The following EIF4E3 variants were observed in gnomAD, a reference collection of about 807,000 sequenced individuals.
The protein encoded by EIF4E3 is eukaryotic translation initiation factor 4E family member 3.
In EIF4E3, 26 loss-of-function variants were observed where a neutral mutation model predicts 31.7. The observed-to-expected ratio is 0.82, with a 90% CI of 0.60 to 1.14. The LOEUF (loss-of-function observed/expected upper bound fraction) is 1.14, where lower values mean the gene tolerates loss of function less well. Among genes scored for constraint, EIF4E3 ranks in the 50% most tolerant of loss-of-function variants. The probability of loss-of-function intolerance (pLI) is 0.00; values close to 1 mark genes in which losing one functional copy is unlikely to be tolerated. For synonymous variants in EIF4E3, 128 were observed against 107.7 expected, an observed-to-expected ratio of 1.19 and a Z score of -1.17; for missense variants, 304 against 270.9, an observed-to-expected ratio of 1.12 and a Z score of -0.86.
intron 1 of EIF4E3, among the ~76,000 whole-genome samples, chr3:71,712,639 C>A (rs4677041): frequency 1.9e-5 from 2 of 104,792 alleles, no homozygotes. Flanking sequence ...GGGGGGTGGG[C>A]GGGGGAGATT....
chr3:71,659,532 A>G, the EIF4E3 span, among the ~76,000 whole-genome samples: 3 of 152,230 alleles, frequency 2.0e-5, no homozygotes, highest in African/African-American at 7.2e-5. Context: ...TGAATGGGCC[A>G]TGAGTTGAGC....
At position 71,725,113 on chromosome 3, in the gene EIF4E3, G is replaced by A. The variant is rs2049611887; in HGVS notation, c.176+79C>T. On this transcript the variant is annotated intron_variant, in intron 1 of 6. Coordinates refer to ENST00000425534, the MANE Select transcript of EIF4E3 (RefSeq NM_001134651.2). The surrounding 1 kb of genome is among the most constrained non-coding windows in gnomAD (Gnocchi z 6.1). ...CCACAGCGGAGCGGGGCCGGGGCGA[G>A]GGGCCGCGCCGAGACAAAGCGGCGG... 3 of 978,056 alleles carry A rather than the reference G, an allele frequency of 3.1e-6. No individual in the cohort carries two copies. The highest frequency in any genetic ancestry group is 2.4e-6 in the Non-Finnish European group (2 of 817,930). The allele number at this position is 978,056 out of a possible 1,614,324, so 60.6% of individuals were successfully genotyped here.
chr3:71,713,406 C>G (rs1268859840), intron 1 of EIF4E3, among the ~76,000 whole-genome samples: 1 of 152,132 alleles, frequency 6.6e-6, no homozygotes, highest in African/African-American at 2.4e-5. Context: ...ATGTTTTCAT[C>G]AAGTCCACCA....
intron 1 of EIF4E3, among the ~76,000 whole-genome samples, chr3:71,716,460 C>T (rs2049467806): frequency 6.6e-6 from 1 of 152,188 alleles, no homozygotes; most frequent in African/African-American, 2.4e-5. Context: ...GTCTCGATCT[C>T]CTGACCTCGT....
chr3:71,750,236 C>G (rs944677854), intron 1 of EIF4E3, among the ~76,000 whole-genome samples: 2 of 152,200 alleles, frequency 1.3e-5, no homozygotes, highest in African/African-American at 4.8e-5. Flanking sequence ...CTTCAGAGCC[C>G]AGGACCCTCA....
intron 1 of EIF4E3, among the ~76,000 whole-genome samples, chr3:71,747,566 C>T (rs756500318): frequency 2.0e-5 from 3 of 152,118 alleles, no homozygotes; most frequent in East Asian, 3.8e-4. Context: ...ATTCTGTAGG[C>T]GGGCCTTTCA....
Position 71,678,673 on chromosome 3 carries a change from CA to C in EIF4E3, c.*6008del. The C allele has an allele frequency of 6.6e-6, 1 of 152,100 alleles. No individual in the cohort carries two copies. The highest frequency in any genetic ancestry group is 2.1e-4 in the South Asian group (1 of 4,820). The allele number at this position is 152,100 out of a possible 1,614,324, so 9.4% of individuals were successfully genotyped here. On this transcript the variant is annotated 3_prime_UTR_variant, in exon 7 of 7. Transcript: ENST00000425534. The stretch of plus-strand genomic sequence containing the variant: ...CAGATCAAAAGGAAGGGCATTACAC[CA>C]GCTTGTAGCCAGATGTGAAAGGGTC...
intron 1 of EIF4E3, among the ~76,000 whole-genome samples, chr3:71,739,907 G>A (rs2049802822): frequency 6.6e-6 from 1 of 151,986 alleles, no homozygotes; most frequent in African/African-American, 2.4e-5. Context: ...TTTATAACAT[G>A]AATAAAAGAA....
the EIF4E3 span, among the ~76,000 whole-genome samples, chr3:71,660,357 A>G: frequency 6.6e-5 from 10 of 152,174 alleles, no homozygotes; most frequent in African/African-American, 2.4e-4. Flanking sequence ...AAAGAAAGCC[A>G]AGAAAAGAAA....
At chr3:71,696,568 C>T (rs2049140244) in intron 3 of EIF4E3, 48 bp from the exon 4 acceptor site, 1 of 1,595,804 alleles carries the variant, frequency 6.3e-7, no homozygotes, top group Admixed American at 1.7e-5. Flanking sequence ...CTAAGTGATT[C>T]TACATACAGT....
At position 71,750,536 on chromosome 3, in the gene EIF4E3, T is replaced by C. The variant is rs115008576; in HGVS notation, c.-291+2927A>G. The stretch of plus-strand genomic sequence containing the variant: ...GGGAGCATCAGTAGTTTGTGTATGT[T>C]AGTTTACTGCTTTTATAAACTCAAA... On this transcript the variant is annotated intron_variant, in intron 1 of 7. Transcript: ENST00000295612. 9.5e-3 allele frequency among the ~76,000 whole-genome samples: 1,450 copies of C among 152,348 alleles called. 14 individuals are homozygous for C. Among genetic ancestry groups the C allele is most frequent in the Non-Finnish European group, 0.015 (990 of 68,030 alleles).
upstream of EIF4E3, chr3:71,754,750 C>T: frequency 7.3e-7 from 1 of 1,371,360 alleles, no homozygotes; most frequent in South Asian, 1.6e-5. This position sits in a 1 kb window ranked among gnomAD's most constrained non-coding sequence, Gnocchi z 5.8. Context: ...GGCCCGGGCG[C>T]CACCGGCCAG....
intron 1 of EIF4E3, among the ~76,000 whole-genome samples, chr3:71,743,817 C>T (rs1490058751): frequency 2.0e-5 from 3 of 152,154 alleles, no homozygotes; most frequent in East Asian, 1.9e-4. Context: ...CATATATGGA[C>T]AATTTGTTTT....
upstream of EIF4E3, chr3:71,754,587 G>GC (rs2049982051): frequency 7.1e-7 from 1 of 1,416,136 alleles, no homozygotes; most frequent in Non-Finnish European, 9.2e-7. This position sits in a 1 kb window ranked among gnomAD's most constrained non-coding sequence, Gnocchi z 5.8. Context: ...GCCCGACGGC[G>GC]CCCCCGGCGC....
At chr3:71,667,174 G>A in the EIF4E3 span, among the ~76,000 whole-genome samples, 1 of 152,202 alleles carries the variant, frequency 6.6e-6, no homozygotes. Context: ...CTCAATAGAT[G>A]TAGAAAAGGA....
chr3:71,683,785 C>T lies in EIF4E3; in HGVS notation c.*897G>A, dbSNP rs975684383. 6.6e-6 allele frequency: 1 copy of T among 152,150 alleles called. No individual in the cohort carries two copies. The highest frequency in any genetic ancestry group is 1.5e-5 in the Non-Finnish European group (1 of 68,038). 9.4% of individuals were successfully genotyped at this position (152,150 alleles called of 1,614,324 possible). On this transcript the variant is annotated 3_prime_UTR_variant, in exon 7 of 7. Transcript: ENST00000425534. ...TTAGCGTTGACTGGGAAAGAAAGCC[C>T]TAAGTGGGTAAACACACCCGAACTT...
In EIF4E3 at chr3:71,685,173, C is replaced by A. The variant is rs754069163; in HGVS notation, c.629-445G>T. On this transcript the variant is annotated intron_variant, in intron 6 of 6. Transcript: ENST00000425534. ...ACTAAAAATAAAACAAAACAAAGAA[C>A]CACACCAGGGTGACAGCAATTATAT... Among the ~76,000 whole-genome samples the A allele has an allele frequency of 1.6e-4, 25 of 152,034 alleles. 1 individual carries two copies. Among genetic ancestry groups the A allele is most frequent in the Non-Finnish European group, 4.4e-5 (3 of 68,004 alleles).
intron 1 of EIF4E3, among the ~76,000 whole-genome samples, chr3:71,712,417 A>G (rs1223296972): frequency 6.6e-6 from 1 of 152,066 alleles, no homozygotes; most frequent in African/African-American, 2.4e-5. Flanking sequence ...AGCTTTAATT[A>G]TTTTTTAAAT....
intron 4 of EIF4E3, 52 bp downstream of exon 4, chr3:71,696,408 G>T: frequency 1.2e-6 from 2 of 1,604,978 alleles, no homozygotes; most frequent in Non-Finnish European, 1.7e-6. Flanking sequence ...ATGACAGGCA[G>T]TCAACAACTC....
Sources: gnomAD v4.1 joint callset for allele counts (sites outside exome capture counted in the v4.1 genomes callset) on GRCh38, gnomAD v4.1.1 for gene constraint, Gnocchi (gnomAD v3.1) non-coding constraint, MANE v1.5 for transcripts, NCBI Gene and HGNC (gene_info 2026-07-23, HGNC 2026-07-21) for gene names.